TMEM45B: variants seen among roughly 807,000 people sequenced by gnomAD.
TMEM45B encodes the protein transmembrane protein 45B.
A neutral mutation model predicts 27.3 loss-of-function variants in TMEM45B; 29 were observed. That is an observed-to-expected ratio of 1.06 (90% confidence interval 0.79 to 1.45). The LOEUF (loss-of-function observed/expected upper bound fraction) is 1.45. Among genes scored for constraint, TMEM45B ranks in the 40% most tolerant of loss-of-function variants. The pLI is 0.00. For missense variants in TMEM45B, 348 were observed against 343.9 expected, an observed-to-expected ratio of 1.01 and a Z score of -0.09; for synonymous variants, 143 against 134.7, an observed-to-expected ratio of 1.06 and a Z score of -0.43.
chr11:129,833,004 G>A (rs1180479390), intron 1 of TMEM45B, among the ~76,000 whole-genome samples: 2 of 152,128 alleles, frequency 1.3e-5, no homozygotes, highest in Non-Finnish European at 2.9e-5. Context: ...CACTTTGGGA[G>A]GCCGAGGCAG....
intron 4 of TMEM45B, 142 bp downstream of exon 4, chr11:129,856,034 T>C (rs1947919763): frequency 1.1e-6 from 1 of 945,748 alleles, no homozygotes; most frequent in Non-Finnish European, 1.6e-6. Context: ...ATGACCCTTT[T>C]CCCCCCATGC....
chr11:129,819,385 G>A (rs907778999), intron 1 of TMEM45B, among the ~76,000 whole-genome samples: 7 of 152,170 alleles, frequency 4.6e-5, no homozygotes, highest in African/African-American at 7.2e-5. Context: ...AAGGGGTTCC[G>A]ATATGAACGT....
chr11:129,852,368 C>G, intron 1 of TMEM45B, 107 bp from the exon 2 acceptor site: 1 of 960,638 alleles, frequency 1.0e-6, no homozygotes, highest in Non-Finnish European at 1.6e-6. Flanking sequence ...TCCTTCTTAA[C>G]GTGGCTTATG....
intron 1 of TMEM45B, among the ~76,000 whole-genome samples, chr11:129,838,809 T>C (rs1947655987): frequency 6.6e-6 from 1 of 152,166 alleles, no homozygotes; most frequent in Non-Finnish European, 1.5e-5. Context: ...AAAACAAAAT[T>C]CACTTTCCCC....
At chr11:129,821,803 T>A (rs1229481529) in intron 1 of TMEM45B, among the ~76,000 whole-genome samples, 2 of 152,200 alleles carry the variant, frequency 1.3e-5, no homozygotes, top group African/African-American at 4.8e-5. Flanking sequence ...GTTTTCTTTA[T>A]TGTTCATATT....
chr11:129,831,610 G>C lies in TMEM45B; in HGVS notation c.-9+15712G>C, dbSNP rs542416298. Among the ~76,000 whole-genome samples the C allele has an allele frequency of 1.9e-3, 295 of 152,330 alleles. 1 individual carries two copies. The highest frequency in any genetic ancestry group is 4.4e-3 in the Admixed American group (68 of 15,300). ...CTGCAGAAAGCAAATCCATGGATAAGGGGAGACTACTGCATATCCAAGAGA... is the reference window on the plus strand; with the variant it reads ...CTGCAGAAAGCAAATCCATGGATAACGGGAGACTACTGCATATCCAAGAGA... On this transcript the variant is annotated intron_variant, in intron 1 of 5. Transcript: ENST00000281441.
chr11:129,830,297 A>T (rs969962149), intron 1 of TMEM45B, among the ~76,000 whole-genome samples: 2 of 152,228 alleles, frequency 1.3e-5, no homozygotes, highest in Non-Finnish European at 2.9e-5. Context: ...ATTGCACTCC[A>T]GCCTGGGAGA....
rs1947982541 is a variant in TMEM45B, at chr11:129,859,725, C to G, written c.*1040C>G. The G allele has an allele frequency of 1.3e-5, 2 of 152,096 alleles. No homozygotes were observed. Among genetic ancestry groups the G allele is most frequent in the South Asian group, 4.2e-4 (2 of 4,808 alleles). The allele number at this position is 152,096 out of a possible 1,614,324, so 9.4% of individuals were successfully genotyped here. A position where few individuals can be genotyped will look rare whatever the true frequency, so the allele number is the denominator to read the frequency against. ...GTTCCAGCTACTCGGGAGGCTGAGG[C>G]AAGAGAATGGCATGAACCCGGTAGG... On this transcript the variant is annotated 3_prime_UTR_variant, in exon 6 of 6. Coordinates refer to ENST00000281441, the MANE Select transcript of TMEM45B (RefSeq NM_138788.5).
chr11:129,853,723 C>G (rs1220904261), intron 2 of TMEM45B, among the ~76,000 whole-genome samples: 1 of 152,114 alleles, frequency 6.6e-6, no homozygotes, highest in Admixed American at 6.5e-5. Flanking sequence ...CACAGGGCTT[C>G]CATTCTAGTG....
At chr11:129,847,207 G>T (rs950679137) in intron 1 of TMEM45B, among the ~76,000 whole-genome samples, 1 of 152,158 alleles carries the variant, frequency 6.6e-6, no homozygotes, top group South Asian at 2.1e-4. Context: ...AGTAATTGTG[G>T]TTTTTGCCAT....
chr11:129,820,190 C>T (rs1338894742), intron 1 of TMEM45B, among the ~76,000 whole-genome samples: 3 of 152,002 alleles, frequency 2.0e-5, no homozygotes, highest in Non-Finnish European at 4.4e-5. Flanking sequence ...TAGCAGGCGC[C>T]TATAGTCCCA....
intron 1 of TMEM45B, among the ~76,000 whole-genome samples, chr11:129,816,955 C>A (rs933371882): frequency 1.3e-5 from 2 of 151,086 alleles, no homozygotes; most frequent in African/African-American, 4.9e-5. Context: ...ACCGTGTTAG[C>A]CAGGATGGTC....
intron 1 of TMEM45B, among the ~76,000 whole-genome samples, chr11:129,842,304 A>T (rs1428741810): frequency 2.0e-5 from 3 of 152,232 alleles, no homozygotes; most frequent in Non-Finnish European, 4.4e-5. Context: ...GATTTTTTTT[A>T]AAACTCAACC....
chr11:129,837,585 C>CTTTTTTTTTGTTTTTTTTTT (rs1947637351), intron 1 of TMEM45B, among the ~76,000 whole-genome samples: 1 of 80,294 alleles, frequency 1.2e-5, no homozygotes, highest in Non-Finnish European at 2.5e-5. Context: ...CTGCACTGGG[C>CTTTTTTTTTGTTTTTTTTTT]TTTTTTTTTT....
intron 2 of TMEM45B, chr11:129,853,002 G>C (rs1163381403): frequency 1.7e-5 from 3 of 180,290 alleles, no homozygotes; most frequent in Non-Finnish European, 3.5e-5. Context: ...TACCTTAGTT[G>C]TGACAAAGTA....
chr11:129,841,763 A>AT (rs1423503279), intron 1 of TMEM45B, among the ~76,000 whole-genome samples: 1 of 151,566 alleles, frequency 6.6e-6, no homozygotes, highest in African/African-American at 2.4e-5. Flanking sequence ...CGCCCGGCTA[A>AT]TTTTTTGTAT....
At chr11:129,825,179 A>G (rs568450692) in intron 1 of TMEM45B, among the ~76,000 whole-genome samples, 13 of 152,330 alleles carry the variant, frequency 8.5e-5, no homozygotes, top group African/African-American at 2.9e-4. Context: ...TAGGAAAAAG[A>G]CAATGAGAGA....
chr11:129,834,730 G>A (rs754479391), intron 1 of TMEM45B, among the ~76,000 whole-genome samples: 24 of 151,704 alleles, frequency 1.6e-4, no homozygotes, highest in Non-Finnish European at 2.8e-4. Flanking sequence ...ATAATTGCTT[G>A]AGCCTGGGAG....
At chr11:129,851,318 C>T (rs1162213615) in intron 1 of TMEM45B, among the ~76,000 whole-genome samples, 3 of 151,874 alleles carry the variant, frequency 2.0e-5, no homozygotes, top group African/African-American at 7.3e-5. Context: ...CCGAGGTGGG[C>T]AGATCACCTA....
Sources: allele counts gnomAD v4.1 joint callset (sites outside exome capture counted in the v4.1 genomes callset), GRCh38; gene constraint gnomAD v4.1.1; transcripts MANE v1.5; gene names NCBI Gene and HGNC (gene_info 2026-07-23, HGNC 2026-07-21).